The following CNTN5 variants were observed in gnomAD, a reference collection of about 807,000 sequenced individuals.
The protein encoded by CNTN5 is contactin-5.
In CNTN5, 77 loss-of-function variants were observed where a neutral mutation model predicts 129.1. The observed-to-expected ratio is 0.60, with a 90% CI of 0.50 to 0.72. The LOEUF is 0.72. CNTN5 is among the 30% of genes least tolerant of loss of function. CNTN5 has a pLI of 0.00. For missense variants in CNTN5, 1,478 were observed against 1,328.8 expected (o/e 1.11, Z -1.75); for synonymous variants, 509 against 465.6 (o/e 1.09, Z -1.20).
chr11:99,496,947 C>T (rs149130899), intron 2 of CNTN5, among the ~76,000 whole-genome samples: 17 of 152,264 alleles, frequency 1.1e-4, no homozygotes, highest in African/African-American at 3.6e-4. Context: ...CTTTTAATAT[C>T]GTCGGCCAGA....
intron 2 of CNTN5, among the ~76,000 whole-genome samples, chr11:99,387,254 A>T (rs1161697625): frequency 6.6e-6 from 1 of 152,032 alleles, no homozygotes; most frequent in Non-Finnish European, 1.5e-5. Context: ...TCCCCCCAAA[A>T]TTTCATTTTC....
chr11:100,263,739 T>A lies in CNTN5; in HGVS notation c.2165-7353T>A, dbSNP rs1480596598. ...CCCTGTGCTTCAATCTTATTCTTAG[T>A]ATGACAGCTTAAATCTTTGGCTCTG... On this transcript the variant is annotated intron_variant, in intron 17 of 24. Coordinates refer to ENST00000524871, the MANE Select transcript of CNTN5 (RefSeq NM_014361.4). Among the ~76,000 whole-genome samples the A allele has an allele frequency of 2.0e-5, 3 of 152,158 alleles. No homozygotes were observed. The South Asian group carries it at 6.2e-4, about 31-fold the overall frequency.
chr11:100,162,492 T>A (rs1281901043), intron 13 of CNTN5, among the ~76,000 whole-genome samples: 1 of 151,916 alleles, frequency 6.6e-6, no homozygotes, highest in African/African-American at 2.4e-5. Context: ...AATGAAGGCG[T>A]ACTGATTTTT....
chr11:100,131,771 A>C (rs1946386206), intron 13 of CNTN5, among the ~76,000 whole-genome samples: 1 of 152,074 alleles, frequency 6.6e-6, no homozygotes, highest in African/African-American at 2.4e-5. Context: ...AGGATCTAAA[A>C]ACCTCGAATT....
At chr11:99,514,081 C>T (rs1430061010) in intron 2 of CNTN5, among the ~76,000 whole-genome samples, 3 of 152,026 alleles carry the variant, frequency 2.0e-5, no homozygotes, top group Non-Finnish European at 4.4e-5. Context: ...TAAAAGATGT[C>T]AATTTTAACC....
chr11:99,320,333 G>A (rs1422218515), intron 1 of CNTN5, among the ~76,000 whole-genome samples: 1 of 152,204 alleles, frequency 6.6e-6, no homozygotes. Flanking sequence ...AACAGTGGAA[G>A]ACGAGATGAT....
At chr11:99,161,024 G>C (rs1483812310) in intron 1 of CNTN5, among the ~76,000 whole-genome samples, 5 of 152,162 alleles carry the variant, frequency 3.3e-5, no homozygotes, top group Non-Finnish European at 5.9e-5. Context: ...TTTGGGGAAA[G>C]TTTGTGACAG....
intron 6 of CNTN5, among the ~76,000 whole-genome samples, chr11:99,861,227 G>C (rs1358286800): frequency 1.3e-5 from 2 of 152,132 alleles, no homozygotes; most frequent in Non-Finnish European, 2.9e-5. Flanking sequence ...AAAGTGTTGG[G>C]ATTACAGGCG....
chr11:99,421,001 A>G (rs567628189), intron 2 of CNTN5, among the ~76,000 whole-genome samples: 2 of 152,252 alleles, frequency 1.3e-5, no homozygotes, highest in South Asian at 4.1e-4. Context: ...TCTTCTTCTC[A>G]TTCTTTCCTA....
At chr11:99,984,647 C>A (rs1938559929) in intron 8 of CNTN5, among the ~76,000 whole-genome samples, 1 of 152,020 alleles carries the variant, frequency 6.6e-6, no homozygotes, top group Admixed American at 6.6e-5. Context: ...TTTTAGTATG[C>A]ATATGATCTT....
chr11:99,811,044 T>C (rs1187315666), intron 3 of CNTN5, among the ~76,000 whole-genome samples: 1 of 152,134 alleles, frequency 6.6e-6, no homozygotes, highest in African/African-American at 2.4e-5. Context: ...AAACAGACAT[T>C]TAAAATCAAA....
intron 9 of CNTN5, 56 bp downstream of exon 9, chr11:100,002,192 C>A: frequency 8.6e-7 from 1 of 1,160,190 alleles, no homozygotes; most frequent in Non-Finnish European, 1.2e-6. Flanking sequence ...TGTGACATAT[C>A]TTATTTTTGG....
At chr11:100,127,108 T>A (rs2138190404) in intron 13 of CNTN5, among the ~76,000 whole-genome samples, 1 of 147,754 alleles carries the variant, frequency 6.8e-6, no homozygotes, top group African/African-American at 2.5e-5. Context: ...TTTTTTTTTT[T>A]TTTTTTTTTT....
chr11:99,574,434 G>T (rs1448278226), intron 3 of CNTN5, among the ~76,000 whole-genome samples: 2 of 152,180 alleles, frequency 1.3e-5, no homozygotes, highest in Non-Finnish European at 2.9e-5. Context: ...GTAATGGATT[G>T]CTGGGTCAAA....
chr11:99,923,441 T>C (rs1949984234), intron 7 of CNTN5, among the ~76,000 whole-genome samples: 1 of 152,198 alleles, frequency 6.6e-6, no homozygotes, highest in African/African-American at 2.4e-5. Flanking sequence ...TATATAAAGT[T>C]ATTTTACTAT....
At chr11:99,850,760 C>A (rs1947847783) in intron 6 of CNTN5, among the ~76,000 whole-genome samples, 1 of 151,846 alleles carries the variant, frequency 6.6e-6, no homozygotes, top group African/African-American at 2.4e-5. Flanking sequence ...GTGGTCAGAG[C>A]AAAAGAAAGA....
intron 7 of CNTN5, among the ~76,000 whole-genome samples, chr11:99,936,735 C>T (rs1950323995): frequency 6.6e-6 from 1 of 152,154 alleles, no homozygotes; most frequent in African/African-American, 2.4e-5. Context: ...GCACTACTGT[C>T]ATTGTTGTCT....
At chr11:99,075,523 C>T (rs1421987297) in intron 1 of CNTN5, among the ~76,000 whole-genome samples, 2 of 152,106 alleles carry the variant, frequency 1.3e-5, no homozygotes, top group African/African-American at 2.4e-5. Flanking sequence ...TTAGAAACAA[C>T]ATTTCAACCT....
chr11:99,253,806 A>G (rs1862236246), intron 1 of CNTN5, among the ~76,000 whole-genome samples: 1 of 150,974 alleles, frequency 6.6e-6, no homozygotes, highest in Non-Finnish European at 1.5e-5. Context: ...CTTTGCACCC[A>G]GCAACTTTTA....
Sources: allele counts gnomAD v4.1 joint callset (sites outside exome capture counted in the v4.1 genomes callset), GRCh38; gene constraint gnomAD v4.1.1; transcripts MANE v1.5; gene names NCBI Gene and HGNC (gene_info 2026-07-23, HGNC 2026-07-21).